Variants in SBNO2 observed in about 807,000 individuals in gnomAD.
SBNO2 encodes strawberry notch homolog 2.
In SBNO2, 89 loss-of-function variants were observed where a neutral mutation model predicts 146.3. The ratio of observed to expected loss-of-function variants is 0.61; its 90% CI spans 0.51 to 0.73. The LOEUF (loss-of-function observed/expected upper bound fraction) is 0.73, where lower values mean the gene tolerates loss of function less well. Ranked by LOEUF, SBNO2 falls within the 30% of genes least tolerant of loss-of-function variation. The pLI, the probability that SBNO2 is intolerant of heterozygous loss-of-function variation, is 0.00. For missense variants in SBNO2, 2,092 were observed against 2,003.7 expected (o/e 1.04, Z -0.84); for synonymous variants, 1,147 against 892.6 (o/e 1.29, Z -5.08).
At chr19:1,125,374 A>G (rs1490644794) in intron 5 of SBNO2, among the ~76,000 whole-genome samples, 1 of 150,614 alleles carries the variant, frequency 6.6e-6, no homozygotes, top group Non-Finnish European at 1.5e-5. Flanking sequence ...AAAAAAAAAA[A>G]AAAAAGTGAG....
chr19:1,127,771 A>G lies in SBNO2; in HGVS notation c.280-6T>C, dbSNP rs1190976474. On this transcript the variant is annotated splice_polypyrimidine_tract_variant and splice_region_variant and intron_variant, in intron 4 of 31. Coordinates refer to ENST00000361757, the MANE Select transcript of SBNO2 (RefSeq NM_014963.3). ...TCCTCAAAATAGGAGGAGTCCTGGAAGACAAGGCCAGGCCCGGTGAGGGTG... is the reference window on the plus strand; with the variant it reads ...TCCTCAAAATAGGAGGAGTCCTGGAGGACAAGGCCAGGCCCGGTGAGGGTG... The G allele has an allele frequency of 6.2e-7, 1 of 1,612,486 alleles. No homozygotes were observed. The highest frequency in any genetic ancestry group is 8.5e-7 in the Non-Finnish European group (1 of 1,179,038).
Position 1,136,106 on chromosome 19 carries a change from G to A in SBNO2, c.280-8341C>T, listed in dbSNP as rs993554195. On this transcript the variant is annotated intron_variant, in intron 4 of 31. Coordinates refer to ENST00000361757, the MANE Select transcript of SBNO2 (RefSeq NM_014963.3). The surrounding 1 kb of genome is among the most constrained non-coding windows in gnomAD (Gnocchi z 4.2). ...GACACAGTCCCGGGGAGGAGGCCAC[G>A]GGACACAGAAGCAGAGATCCCAGCC... 6.6e-5 allele frequency among the ~76,000 whole-genome samples: 10 copies of A among 152,172 alleles called. No individual in the cohort carries two copies. The highest frequency in any genetic ancestry group is 1.3e-4 in the Non-Finnish European group (9 of 68,016).
chr19:1,109,032 G>A lies in SBNO2; in HGVS notation c.3426-63C>T. On this transcript the variant is annotated intron_variant, in intron 30 of 31. Coordinates refer to ENST00000361757, the MANE Select transcript of SBNO2 (RefSeq NM_014963.3). This position sits in a 1 kb window ranked among gnomAD's most constrained non-coding sequence, Gnocchi z 4.2. ...CCAGGGGCCCGCAGGCTCCCCAGGT[G>A]CCCTGAGATCTCCCGCCTCCTCTCA... 2 of 1,495,530 alleles carry A rather than the reference G, an allele frequency of 1.3e-6. No individual in the cohort carries two copies. The highest frequency in any genetic ancestry group is 1.8e-6 in the Non-Finnish European group (2 of 1,123,614). The allele number at this position is 1,495,530 out of a possible 1,614,324, so 92.6% of individuals were successfully genotyped here.
At chr19:1,128,242 A>G (rs999759051) in intron 4 of SBNO2, 3 of 495,376 alleles carry the variant, frequency 6.1e-6, no homozygotes, top group Non-Finnish European at 1.2e-5. Flanking sequence ...GCAATGCTGC[A>G]GGAACTCTGA....
At chr19:1,127,326 C>A (rs942977598) in intron 5 of SBNO2, among the ~76,000 whole-genome samples, 1 of 152,186 alleles carries the variant, frequency 6.6e-6, no homozygotes, top group Non-Finnish European at 1.5e-5. Context: ...CACTGCAGGG[C>A]GCTGGGCAGC....
chr19:1,109,241 C>T lies in SBNO2; in HGVS notation c.3349-30G>A, dbSNP rs1262762923. ...GGACACAGGGCCGCATGAGCCTGGG[C>T]GGGGTCAGGGCCGGCAACCCGAGCG... is the stretch of plus-strand genomic sequence containing the variant. On this transcript the variant is annotated intron_variant, in intron 29 of 31. Coordinates refer to ENST00000361757, the MANE Select transcript of SBNO2 (RefSeq NM_014963.3). This position sits in a 1 kb window ranked among gnomAD's most constrained non-coding sequence, Gnocchi z 4.2. 6.4e-7 allele frequency: 1 copy of T among 1,572,474 alleles called. No individual in the cohort carries two copies. Among genetic ancestry groups the T allele is most frequent in the Non-Finnish European group, 8.6e-7 (1 of 1,159,664 alleles).
In SBNO2 at chr19:1,108,632, C is replaced by T. The variant is rs1599816843; in HGVS notation, c.3689G>A (p.Arg1230His). 6.8e-7 allele frequency: 1 copy of T among 1,473,740 alleles called. No individual in the cohort carries two copies. The allele number at this position is 1,473,740 out of a possible 1,614,324, so 91.3% of individuals were successfully genotyped here. A position where few individuals can be genotyped will look rare whatever the true frequency, so the allele number is the denominator to read the frequency against. ...ELRLMDADVK[R>H]RQAPALGCPA... is the part of the protein sequence containing the mutation. ...GCAGCCCAGGGCGGGCGCCTGCCTG[C>T]GCTTCACGTCCGCATCCATCAGCCG... is the stretch of plus-strand genomic sequence containing the variant. The change falls in exon 32 of 32, where the codon CGC becomes CAC. Residue 1230 changes from arginine (R) to histidine (H), a missense_variant. Arg to His is a conservative substitution (Grantham distance 29). Transcript: ENST00000361757.
At chr19:1,135,543 C>A (rs1202816792) in intron 4 of SBNO2, among the ~76,000 whole-genome samples, 2 of 152,220 alleles carry the variant, frequency 1.3e-5, no homozygotes, top group African/African-American at 4.8e-5. Flanking sequence ...CGCCTAGGGA[C>A]CTGCTGGGCA....
At position 1,112,537 on chromosome 19, in the gene SBNO2, G is replaced by C; in HGVS notation, c.2380C>G (p.Leu794Val). 1 of 1,598,444 alleles carries C rather than the reference G, an allele frequency of 6.3e-7. No homozygotes were observed. Residue 794 changes from leucine to valine, a missense_variant and splice_region_variant, in exon 21 of 32, where the codon CTC (leucine) becomes GTC (valine). Coordinates refer to ENST00000361757, the MANE Select transcript of SBNO2 (RefSeq NM_014963.3). This position sits in a 1 kb window ranked among gnomAD's most constrained non-coding sequence, Gnocchi z 5.9. ...EKQRFMSGEK[L>V]VAIISEASSS... ...GAGGCCTCCGAGATGATGGCCACGAGCTAGGGGGAAAGAAGGGGCCGGGAC... is the reference window on the plus strand; with the variant it reads ...GAGGCCTCCGAGATGATGGCCACGACCTAGGGGGAAAGAAGGGGCCGGGAC...
intron 4 of SBNO2, among the ~76,000 whole-genome samples, chr19:1,134,167 C>T (rs1441831616): frequency 6.7e-6 from 1 of 149,934 alleles, no homozygotes; most frequent in Non-Finnish European, 1.5e-5. Context: ...TCACAGCTCA[C>T]GGGTGGACTC....
chr19:1,154,322 G>T lies in SBNO2; in HGVS notation c.-46C>A. On this transcript the variant is annotated 5_prime_UTR_variant, in exon 2 of 32. Transcript: ENST00000361757. ...GTCCTCGGCCGGGCAGCAGGCGGCG[G>T]GACTCCAGGACCCGGGGCCGCCGGG... The T allele has an allele frequency of 1.8e-6, 2 of 1,116,164 alleles. No homozygotes were observed. Among genetic ancestry groups the T allele is most frequent in the South Asian group, 4.4e-5 (1 of 22,696 alleles). The allele number at this position is 1,116,164 out of a possible 1,614,324, so 69.1% of individuals were successfully genotyped here. A position where few individuals can be genotyped will look rare whatever the true frequency, so the allele number is the denominator to read the frequency against.
Position 1,123,061 on chromosome 19 carries a change from C to T in SBNO2, c.629-16G>A, listed in dbSNP as rs754047423. The T allele has an allele frequency of 5.9e-5, 94 of 1,589,664 alleles. No individual in the cohort carries two copies. Among genetic ancestry groups the T allele is most frequent in the East Asian group, 2.3e-4 (10 of 43,718 alleles). On this transcript the variant is annotated splice_polypyrimidine_tract_variant and intron_variant, in intron 7 of 31. Coordinates refer to ENST00000361757, the MANE Select transcript of SBNO2 (RefSeq NM_014963.3). ...CCGATCTTGGCTGGAGGAGCAAGGACGGAGGGCAAGGTAAAGGGTATGGCC... is the reference window on the plus strand; with the variant it reads ...CCGATCTTGGCTGGAGGAGCAAGGATGGAGGGCAAGGTAAAGGGTATGGCC...
In SBNO2 at chr19:1,116,091, C is replaced by A; in HGVS notation, c.1815G>T (p.Leu605=). 6.2e-7 allele frequency: 1 copy of A among 1,610,134 alleles called. No homozygotes were observed. Among genetic ancestry groups the A allele is most frequent in the Non-Finnish European group, 8.5e-7 (1 of 1,178,606 alleles). The stretch of plus-strand genomic sequence containing the variant: ...ACGGAAAGTGCTTCTGAATTAGCGA[C>A]AGGAACACGCCTCTGAAAGTGAGAC... ...CFVSAAEGVF[L]SLIQKHFPST... is the part of the protein sequence containing the mutation. The change falls in exon 17 of 32, where the codon CTG becomes CTT. Residue 605 remains leucine, a synonymous_variant. Coordinates refer to ENST00000361757, the MANE Select transcript of SBNO2 (RefSeq NM_014963.3).
chr19:1,130,142 G>A (rs2080012155), intron 4 of SBNO2, among the ~76,000 whole-genome samples: 2 of 152,158 alleles, frequency 1.3e-5, no homozygotes, highest in Admixed American at 1.3e-4. Context: ...GGGGTCCTGG[G>A]CAGGAAAGGA....
At chr19:1,134,243 G>A (rs1373149280) in intron 4 of SBNO2, among the ~76,000 whole-genome samples, 1 of 145,940 alleles carries the variant, frequency 6.9e-6, no homozygotes, top group Non-Finnish European at 1.5e-5. Flanking sequence ...CAGCTCACGG[G>A]TGGACTCACA....
rs1390800364 is a variant in SBNO2 at position 1,158,670 on chromosome 19, G to A, written c.-126-4268C>T. Among the ~76,000 whole-genome samples the A allele has an allele frequency of 6.6e-6, 1 of 152,182 alleles. No individual in the cohort carries two copies. Among genetic ancestry groups the A allele is most frequent in the Admixed American group, 6.5e-5 (1 of 15,280 alleles). On this transcript the variant is annotated intron_variant, in intron 1 of 31. Coordinates refer to ENST00000361757, the MANE Select transcript of SBNO2 (RefSeq NM_014963.3). The surrounding 1 kb of genome is among the most constrained non-coding windows in gnomAD (Gnocchi z 9.9). The stretch of plus-strand genomic sequence containing the variant: ...GGCGCGACCGTGGTGATGGAGCCCG[G>A]CAGAGGCCACCGCACAGTCCCTGGA...
At chr19:1,132,205 G>A (rs1171947226) in intron 4 of SBNO2, 2 of 1,356,864 alleles carry the variant, frequency 1.5e-6, no homozygotes, top group Non-Finnish European at 9.5e-7. Flanking sequence ...CATGACCGCG[G>A]CAGCAGCCCC....
At chr19:1,124,248 C>T (rs2079939656) in intron 5 of SBNO2, among the ~76,000 whole-genome samples, 1 of 152,212 alleles carries the variant, frequency 6.6e-6, no homozygotes, top group South Asian at 2.1e-4. Context: ...CTCGCTCCTC[C>T]TGGCCAGCAC....
At chr19:1,132,545 CG>C (rs1200046782) in intron 4 of SBNO2, among the ~76,000 whole-genome samples, 6 of 152,220 alleles carry the variant, frequency 3.9e-5, no homozygotes, top group Non-Finnish European at 8.8e-5. Flanking sequence ...TTCCGTTCCA[CG>C]GGGACCAGCT....
Sources: gnomAD v4.1 joint callset for allele counts (sites outside exome capture counted in the v4.1 genomes callset) on GRCh38, gnomAD v4.1.1 for gene constraint, Gnocchi (gnomAD v3.1) non-coding constraint, MANE v1.5 for transcripts, NCBI Gene and HGNC (gene_info 2026-07-23, HGNC 2026-07-21) for gene names.